WEE1: variants seen among roughly 807,000 people sequenced by gnomAD.
WEE1 encodes wee1-like protein kinase.
Under a neutral mutation model 68.8 loss-of-function variants are expected in WEE1, and 16 were observed. That is an observed-to-expected ratio of 0.23 (90% CI 0.16 to 0.35). The LOEUF (loss-of-function observed/expected upper bound fraction) is 0.35. Among genes scored for constraint, WEE1 ranks in the 10% least tolerant of loss-of-function variants. The pLI is 1.00. For missense variants in WEE1, 651 were observed against 824.1 expected (o/e 0.79, Z 2.57); for synonymous variants, 349 against 318.7 (o/e 1.09, Z -1.01).
Position 9,573,869 on chromosome 11 carries a change from C to T in WEE1, c.-65C>T, listed in dbSNP as rs1849531975. On this transcript the variant is annotated 5_prime_UTR_variant, in exon 1 of 11. Transcript: ENST00000450114. ...CGCACGTGGCGGACCCGCCCCCAGG[C>T]CCGCAGTGTCCTGGACCCCGCAGGC... 7.6e-6 allele frequency: 9 copies of T among 1,177,476 alleles called. No individual in the cohort carries two copies. Among genetic ancestry groups the T allele is most frequent in the Middle Eastern group, 3.2e-4 (1 of 3,162 alleles). The allele number at this position is 1,177,476 out of a possible 1,614,324, so 72.9% of individuals were successfully genotyped here. A position where few individuals can be genotyped will look rare whatever the true frequency, so the allele number is the denominator to read the frequency against.
Position 9,576,805 on chromosome 11 carries a change from C to G in WEE1, c.1019+146C>G. 1 of 839,290 alleles carries G rather than the reference C, an allele frequency of 1.2e-6. No individual in the cohort carries two copies. Among genetic ancestry groups the G allele is most frequent in the Non-Finnish European group, 1.8e-6 (1 of 557,950 alleles). The allele number at this position is 839,290 out of a possible 1,614,324, so 52.0% of individuals were successfully genotyped here. On this transcript the variant is annotated intron_variant, in intron 4 of 10. Coordinates refer to ENST00000450114, the MANE Select transcript of WEE1 (RefSeq NM_003390.4). This position sits in a 1 kb window ranked among gnomAD's most constrained non-coding sequence, Gnocchi z 4.3. ...TCAGGTCCTTTTCACTTAATACCAT[C>G]AGTTCTTATTGGACTTGTTGAATAA... is the stretch of plus-strand genomic sequence containing the variant.
chr11:9,583,800 CACATATAT>C (rs1190926284), intron 6 of WEE1, among the ~76,000 whole-genome samples: 55 of 18,156 alleles, frequency 3.0e-3, no homozygotes, highest in Middle Eastern at 0.026. Context: ...CACACACACA[CACATATAT>C]ATATATATAT....
At position 9,588,955 on chromosome 11, in the gene WEE1, C is replaced by CG. The variant is rs1440852254; in HGVS notation, c.*353_*354insG. 2.8e-5 allele frequency: 28 copies of CG among 988,964 alleles called. No homozygotes were observed. Among genetic ancestry groups the CG allele is most frequent in the Non-Finnish European group, 3.2e-5 (27 of 832,056 alleles). 61.3% of individuals were successfully genotyped at this position (988,964 alleles called of 1,614,324 possible). A position where few individuals can be genotyped will look rare whatever the true frequency, so the allele number is the denominator to read the frequency against. On this transcript the variant is annotated 3_prime_UTR_variant, in exon 11 of 11. Coordinates refer to ENST00000450114, the MANE Select transcript of WEE1 (RefSeq NM_003390.4). ...AAGTACTCAAGGGCTTTATTACAGACATACCCTCCCTTTGAAAAGGGACAT... is the reference window on the plus strand; with the variant it reads ...AAGTACTCAAGGGCTTTATTACAGACGATACCCTCCCTTTGAAAAGGGACAT...
At chr11:9,577,760 G>A (rs1262256446) in intron 5 of WEE1, 4 of 411,244 alleles carry the variant, frequency 9.7e-6, no homozygotes, top group Non-Finnish European at 1.9e-5. Context: ...GTCTACCCTA[G>A]AATCCACTAA....
At chr11:9,583,803 A>G (rs1446922590) in intron 6 of WEE1, among the ~76,000 whole-genome samples, 1 of 9,404 alleles carries the variant, frequency 1.1e-4, no homozygotes, top group East Asian at 1.7e-3. Flanking sequence ...ACACACACAC[A>G]TATATATATA....
rs2134348621 is a variant in WEE1 at position 9,581,642 on chromosome 11, C to A, written c.1252C>A (p.His418Asn). The A allele has an allele frequency of 6.2e-7, 1 of 1,613,158 alleles. No homozygotes were observed. Among genetic ancestry groups the A allele is most frequent in the East Asian group, 2.2e-5 (1 of 44,854 alleles). The change falls in exon 6 of 11, where the codon CAT becomes AAT. Residue 418 changes from histidine to asparagine, a missense_variant. Physicochemically the swap from His to Asn is moderately conservative, Grantham distance 68. Transcript: ENST00000450114. ...AGTTGGCCGAGGCTTGAGGTATATT[C>A]ATTCAATGTCTTTGGTTCACATGGA... ...LQVGRGLRYI[H>N]SMSLVHMDIK... is the part of the protein sequence containing the mutation.
At position 9,577,402 on chromosome 11, in the gene WEE1, A is replaced by C. The variant is rs1234187407; in HGVS notation, c.1141+139A>C. Reference sequence around the variant, plus strand: ...AGATCAGAGACCTAACATAAATTTCAAGTACAAGGTTAAAAACCTTGTCCT... The same window carrying C: ...AGATCAGAGACCTAACATAAATTTCCAGTACAAGGTTAAAAACCTTGTCCT... On this transcript the variant is annotated intron_variant, in intron 5 of 10. Coordinates refer to ENST00000450114, the MANE Select transcript of WEE1 (RefSeq NM_003390.4). 3.6e-6 allele frequency: 4 copies of C among 1,122,828 alleles called. No homozygotes were observed. In the East Asian group the frequency reaches 1.0e-4, roughly 28 times the overall value. 69.6% of individuals were successfully genotyped at this position (1,122,828 alleles called of 1,614,324 possible).
rs1186713184 is a variant in WEE1, at chr11:9,577,188, C to T, written c.1066C>T (p.His356Tyr). The change falls in exon 5 of 11, where the codon CAT (histidine) becomes TAT (tyrosine). Residue 356 changes from histidine (H) to tyrosine (Y), a missense_variant. Physicochemically the swap from His to Tyr is moderately conservative, Grantham distance 83. Around this residue, in one of 5 missense-constraint regions of WEE1, gnomAD observed 41 missense variants for 125.6 expected, o/e 0.33. Coordinates refer to ENST00000450114, the MANE Select transcript of WEE1 (RefSeq NM_003390.4). ...EVYAHAVLGQ[H>Y]SHVVRYFSAW... ...ATATGCTCATGCAGTGCTTGGACAG[C>T]ATTCTCATGTAGTTCGATATTTCTC... 3 of 1,613,752 alleles carry T rather than the reference C, an allele frequency of 1.9e-6. No homozygotes were observed. The highest frequency in any genetic ancestry group is 1.3e-5 in the African/African-American group (1 of 74,940).
In WEE1 at chr11:9,574,598, C is replaced by T. The variant is rs1226072679; in HGVS notation, c.576+89C>T. 8.9e-7 allele frequency: 1 copy of T among 1,125,024 alleles called. No individual in the cohort carries two copies. Among genetic ancestry groups the T allele is most frequent in the East Asian group, 4.9e-5 (1 of 20,534 alleles). 69.7% of individuals were successfully genotyped at this position (1,125,024 alleles called of 1,614,324 possible). ...TGCCTGGGTTCGGTTACAGAAGCGGCCGGCCGCTCCCCCCTCGCTTTCCTG... is the reference window on the plus strand; with the variant it reads ...TGCCTGGGTTCGGTTACAGAAGCGGTCGGCCGCTCCCCCCTCGCTTTCCTG... On this transcript the variant is annotated intron_variant, in intron 1 of 10. Transcript: ENST00000450114. The surrounding 1 kb of genome is among the most constrained non-coding windows in gnomAD (Gnocchi z 4.9).
At chr11:9,586,060 T>C (rs1461751050) in intron 8 of WEE1, among the ~76,000 whole-genome samples, 2 of 152,232 alleles carry the variant, frequency 1.3e-5, no homozygotes, top group Non-Finnish European at 2.9e-5. Context: ...CATTGCTCTT[T>C]GTAAATATGT....
chr11:9,585,736 A>G (rs1849692983), intron 8 of WEE1, among the ~76,000 whole-genome samples: 2 of 152,228 alleles, frequency 1.3e-5, no homozygotes, highest in Non-Finnish European at 2.9e-5. Context: ...CTCATACACC[A>G]CTGGTGGAAC....
chr11:9,576,146 G>T lies in WEE1; in HGVS notation c.782+53G>T. 6.2e-7 allele frequency: 1 copy of T among 1,609,170 alleles called. No homozygotes were observed. The highest frequency in any genetic ancestry group is 1.1e-5 in the South Asian group (1 of 90,504). On this transcript the variant is annotated intron_variant, in intron 2 of 10. Transcript: ENST00000450114. The surrounding 1 kb of genome is among the most constrained non-coding windows in gnomAD (Gnocchi z 4.3). ...CTCCAAATAACCTAAGATTGGTTTG[G>T]TATACTTATCAAAATTTAGTTCCTA...
At chr11:9,575,371 T>C in intron 1 of WEE1, 10 of 991,962 alleles carry the variant, frequency 1.0e-5, no homozygotes, top group Non-Finnish European at 1.2e-5. Flanking sequence ...GATGCACCTT[T>C]TAAAGTGAGT....
At chr11:9,581,306 T>A in intron 5 of WEE1, 1 of 447,292 alleles carries the variant, frequency 2.2e-6, no homozygotes, top group Non-Finnish European at 3.9e-6. Flanking sequence ...ATTGCTGAGG[T>A]GTATGATTGA....
rs1359739206 is a variant in WEE1 at position 9,573,719 on chromosome 11, G to T, written c.-215G>T. 1 of 200,338 alleles carries T rather than the reference G, an allele frequency of 5.0e-6. No individual in the cohort carries two copies. Among genetic ancestry groups the T allele is most frequent in the African/African-American group, 2.3e-5 (1 of 42,580 alleles). The allele number at this position is 200,338 out of a possible 1,614,324, so 12.4% of individuals were successfully genotyped here. A position where few individuals can be genotyped will look rare whatever the true frequency, so the allele number is the denominator to read the frequency against. ...TGAGGAGACCTCAGCCTCGGTGCTC[G>T]GGCCGCCCCGCCTCTGCCGGAAAGT... On this transcript the variant is annotated 5_prime_UTR_variant, in exon 1 of 11. Transcript: ENST00000450114.
chr11:9,586,910 A>T, intron 10 of WEE1, 54 bp downstream of exon 10: 1 of 1,522,182 alleles, frequency 6.6e-7, no homozygotes, highest in Non-Finnish European at 8.9e-7. Context: ...TTAATTCTCA[A>T]ATTTTAATGA....
Position 9,576,116 on chromosome 11 carries a change from T to G in WEE1, c.782+23T>G, listed in dbSNP as rs577896829. On this transcript the variant is annotated intron_variant, in intron 2 of 10. Transcript: ENST00000450114. This position sits in a 1 kb window ranked among gnomAD's most constrained non-coding sequence, Gnocchi z 4.3. ...TGAGTAAGTCGTTTATTTAACAGTT[T>G]GGTTCTCCAAATAACCTAAGATTGG... is the stretch of plus-strand genomic sequence containing the variant. 1 of 1,613,030 alleles carries G rather than the reference T, an allele frequency of 6.2e-7. No homozygotes were observed. Among genetic ancestry groups the G allele is most frequent in the African/African-American group, 1.3e-5 (1 of 74,994 alleles).
intron 6 of WEE1, 112 bp from the exon 7 acceptor site, chr11:9,585,146 C>A (rs1565090545): frequency 9.5e-6 from 8 of 840,362 alleles, no homozygotes; most frequent in South Asian, 1.6e-5. Flanking sequence ...TGGGCTAGAA[C>A]TTGAGAATCG....
intron 6 of WEE1, among the ~76,000 whole-genome samples, chr11:9,582,233 T>C (rs1464306019): frequency 6.6e-6 from 1 of 152,254 alleles, no homozygotes; most frequent in Non-Finnish European, 1.5e-5. Flanking sequence ...GCATTGCATC[T>C]GGTTATATCA....
Sources: gnomAD v4.1 joint callset for allele counts (sites outside exome capture counted in the v4.1 genomes callset) on GRCh38, gnomAD v4.1.1 for gene constraint, gnomAD v4.1.1 regional missense constraint, Gnocchi (gnomAD v3.1) non-coding constraint, MANE v1.5 for transcripts, NCBI Gene and HGNC (gene_info 2026-07-23, HGNC 2026-07-21) for gene names.